Variants in TRAF3IP2 observed in about 807,000 individuals in gnomAD.
The protein encoded by TRAF3IP2 is TRAF3 interacting protein 2.
In TRAF3IP2, 35 loss-of-function variants were observed where a neutral mutation model predicts 57.9. That is an observed-to-expected ratio of 0.60 (90% confidence interval 0.46 to 0.80). The LOEUF is 0.80. Ranked by LOEUF, TRAF3IP2 falls within the 30% of genes least tolerant of loss-of-function variation. The pLI is 0.00. For synonymous variants in TRAF3IP2, 251 were observed against 268.9 expected, an observed-to-expected ratio of 0.93 and a Z score of 0.65; for missense variants, 556 against 706.4, an observed-to-expected ratio of 0.79 and a Z score of 2.41.
Position 111,580,302 on chromosome 6 carries a change from C to A in TRAF3IP2, c.917G>T (p.Gly306Val). Residue 306 changes from glycine (G) to valine (V), a missense_variant, in exon 3 of 9, where the codon GGC becomes GTC. Gly to Val is a moderately radical substitution (Grantham distance 109, BLOSUM62 -3). Coordinates refer to ENST00000368761, the MANE Select transcript of TRAF3IP2 (RefSeq NM_147686.4). The stretch of plus-strand genomic sequence containing the variant: ...GATAACCTTCTGCACAGGGTGCAGG[C>A]CTCTCACACTGGCTCCAGGCAGGGG... The part of the protein sequence containing the change: ...GQPLPGASVR[G>V]LHPVQKVILN... 1 of 1,610,916 alleles carries A rather than the reference C, an allele frequency of 6.2e-7. No homozygotes were observed. The highest frequency in any genetic ancestry group is 1.7e-5 in the Admixed American group (1 of 59,140).
chr6:111,562,861 AAAAG>A, intron 8 of TRAF3IP2, 100 bp downstream of exon 8: 1 of 922,056 alleles, frequency 1.1e-6, no homozygotes, highest in Non-Finnish European at 1.6e-6. Flanking sequence ...AAAAAAAAAG[AAAAG>A]AAAGAAAAAA....
At chr6:111,568,551 G>T (rs1795729854) in intron 5 of TRAF3IP2, among the ~76,000 whole-genome samples, 1 of 151,334 alleles carries the variant, frequency 6.6e-6, no homozygotes, top group Non-Finnish European at 1.5e-5. Flanking sequence ...TACTGGAATG[G>T]GTGACTCAGG....
chr6:111,565,914 T>C (rs1228981052), intron 7 of TRAF3IP2, among the ~76,000 whole-genome samples: 1 of 152,184 alleles, frequency 6.6e-6, no homozygotes, highest in Non-Finnish European at 1.5e-5. Context: ...TAGTGACCCA[T>C]TTTGTGAATA....
intron 6 of TRAF3IP2, chr6:111,567,166 G>A (rs558932325): frequency 2.6e-5 from 26 of 1,000,938 alleles, no homozygotes; most frequent in Middle Eastern, 5.1e-4. Flanking sequence ...CCCAGTGGCC[G>A]GTATAGATTC....
intron 1 of TRAF3IP2, among the ~76,000 whole-genome samples, chr6:111,592,602 G>T (rs1340585912): frequency 6.6e-6 from 1 of 152,160 alleles, no homozygotes; most frequent in Non-Finnish European, 1.5e-5. Context: ...GCTTGTATAT[G>T]TATAAACCGT....
intron 1 of TRAF3IP2, chr6:111,601,091 G>A: frequency 3.1e-6 from 2 of 638,878 alleles, no homozygotes; most frequent in Admixed American, 2.2e-5. Flanking sequence ...TTGCATCTCG[G>A]TTGGGAGCAC....
intron 4 of TRAF3IP2, 94 bp from the exon 5 acceptor site, chr6:111,573,077 GAAT>G: frequency 9.8e-7 from 1 of 1,015,248 alleles, no homozygotes; most frequent in Admixed American, 2.2e-5. Flanking sequence ...TGTCCTTCTA[GAAT>G]AATAAGAGGA....
rs905169151 is a variant in TRAF3IP2, at chr6:111,562,992, G to A, written c.1524C>T (p.Ile508=). The A allele has an allele frequency of 9.9e-6, 16 of 1,612,636 alleles. No homozygotes were observed. Among genetic ancestry groups the A allele is most frequent in the Non-Finnish European group, 1.4e-5 (16 of 1,179,608 alleles). Residue 508 remains isoleucine, a synonymous_variant, in exon 8 of 9, where the codon ATC becomes ATT. Transcript: ENST00000368761. ...IKQGSMNFRF[I]PVLFPNAKKE... ...TCTTAGCATTTGGGAAGAGCACAGG[G>A]ATGAATCTGAAATTCATGCTTCCTT... is the stretch of plus-strand genomic sequence containing the variant.
At chr6:111,564,498 G>A (rs548957897) in intron 7 of TRAF3IP2, among the ~76,000 whole-genome samples, 2 of 152,294 alleles carry the variant, frequency 1.3e-5, no homozygotes, top group African/African-American at 4.8e-5. Flanking sequence ...TCCAGAAACT[G>A]AGTTTCTGTA....
At chr6:111,569,173 C>T (rs577770155) in intron 5 of TRAF3IP2, among the ~76,000 whole-genome samples, 8 of 152,294 alleles carry the variant, frequency 5.3e-5, no homozygotes, top group African/African-American at 1.9e-4. Context: ...CTCTTGAGAA[C>T]GCTTTTGTAG....
intron 1 of TRAF3IP2, chr6:111,601,866 A>C (rs1027361715): frequency 6.6e-6 from 1 of 152,232 alleles, no homozygotes; most frequent in African/African-American, 2.4e-5. Context: ...TTTAAAAAAA[A>C]ATCTTTAAAC....
chr6:111,594,564 G>A, intron 1 of TRAF3IP2: 1 of 442,660 alleles, frequency 2.3e-6, no homozygotes, highest in South Asian at 1.6e-5. Context: ...GATGAGGGCA[G>A]TCATCTCACA....
intron 7 of TRAF3IP2, among the ~76,000 whole-genome samples, chr6:111,565,787 T>C (rs373982227): frequency 1.3e-5 from 2 of 152,320 alleles, no homozygotes; most frequent in South Asian, 2.1e-4. Flanking sequence ...CCAGGCCCCA[T>C]AGTTCCCCAC....
In TRAF3IP2 at chr6:111,556,165, G is replaced by A. The variant is rs1341810817; in HGVS notation, c.*3240C>T. Among the ~76,000 whole-genome samples the A allele has an allele frequency of 6.6e-6, 1 of 151,840 alleles. No individual in the cohort carries two copies. The highest frequency in any genetic ancestry group is 1.9e-4 in the East Asian group (1 of 5,182). On this transcript the variant is annotated 3_prime_UTR_variant, in exon 9 of 9. Coordinates refer to ENST00000368761, the MANE Select transcript of TRAF3IP2 (RefSeq NM_147686.4). ...CATCGGATCTCATAGAAATTTCAGG[G>A]GCCAAGCTTTTGTCACTTGGCCAAG...
At chr6:111,577,767 A>G (rs952989738) in intron 3 of TRAF3IP2, among the ~76,000 whole-genome samples, 1 of 150,242 alleles carries the variant, frequency 6.7e-6, no homozygotes, top group Non-Finnish European at 1.5e-5. Context: ...GCTGGAGTGC[A>G]GTGGCACAAT....
At chr6:111,575,867 C>T (rs1451943024) in intron 3 of TRAF3IP2, 46 bp from the exon 4 acceptor site, 1 of 1,571,312 alleles carries the variant, frequency 6.4e-7, no homozygotes, top group Admixed American at 1.9e-5. Context: ...TTTACAAAGG[C>T]AAACCTTCAG....
At chr6:111,594,461 A>C (rs2128383638) in intron 1 of TRAF3IP2, 1 of 447,338 alleles carries the variant, frequency 2.2e-6, no homozygotes, top group South Asian at 1.6e-5. Flanking sequence ...GTACCTTAGA[A>C]GCGCTTTTCT....
At position 111,572,887 on chromosome 6, in the gene TRAF3IP2, ATACT is replaced by A; in HGVS notation, c.1290+4_1290+7del. 6.2e-7 allele frequency: 1 copy of A among 1,610,688 alleles called. No individual in the cohort carries two copies. Among genetic ancestry groups the A allele is most frequent in the Non-Finnish European group, 8.5e-7 (1 of 1,177,012 alleles). On this transcript the variant is annotated splice_donor_5th_base_variant and intron_variant, in intron 5 of 8. Transcript: ENST00000368761. ...CTGTTCAGTTATCTATTTGGACAAA[ATACT>A]TACTGCAGTTTGGAAGCCATTTACC...
At chr6:111,585,573 G>T (rs1796302560) in intron 2 of TRAF3IP2, among the ~76,000 whole-genome samples, 1 of 152,160 alleles carries the variant, frequency 6.6e-6, no homozygotes, top group South Asian at 2.1e-4. Context: ...GTGGGTGTCT[G>T]TTTTTAAACA....
Sources: allele counts gnomAD v4.1 joint callset (sites outside exome capture counted in the v4.1 genomes callset), GRCh38; gene constraint gnomAD v4.1.1; transcripts MANE v1.5; gene names NCBI Gene and HGNC (gene_info 2026-07-23, HGNC 2026-07-21).